Variants in SLC35A5 observed in about 807,000 individuals in gnomAD.
SLC35A5 encodes solute carrier family 35 member A5.
A neutral mutation model predicts 36.3 loss-of-function variants in SLC35A5; 28 were observed. That is an observed-to-expected ratio of 0.77 (90% CI 0.57 to 1.06). SLC35A5 has a LOEUF of 1.06. Ranked by LOEUF, SLC35A5 falls within the 50% of genes least tolerant of loss-of-function variation. The pLI is 0.00. For missense variants in SLC35A5, 521 were observed against 499.3 expected, an observed-to-expected ratio of 1.04 and a Z score of -0.41; for synonymous variants, 180 against 173.7, an observed-to-expected ratio of 1.04 and a Z score of -0.29.
chr3:112,580,459 C>T, intron 5 of SLC35A5, 87 bp from the exon 6 acceptor site: 1 of 1,416,194 alleles, frequency 7.1e-7, no homozygotes, highest in Non-Finnish European at 9.4e-7. Flanking sequence ...TTTATTCAAC[C>T]AAATACTCAA....
At position 112,582,803 on chromosome 3, in the gene SLC35A5, A is replaced by T. The variant is rs1576765287; in HGVS notation, c.*67A>T. 1 of 1,294,584 alleles carries T rather than the reference A, an allele frequency of 7.7e-7. No individual in the cohort carries two copies. Among genetic ancestry groups the T allele is most frequent in the Non-Finnish European group, 1.1e-6 (1 of 902,152 alleles). The allele number at this position is 1,294,584 out of a possible 1,614,324, so 80.2% of individuals were successfully genotyped here. On this transcript the variant is annotated 3_prime_UTR_variant, in exon 7 of 7. Transcript: ENST00000492406. ...CACATTTTCAGTGTTTGTAATATTT[A>T]TCTTTTCACTTTGATAAACCAGAAA... is the stretch of plus-strand genomic sequence containing the variant.
chr3:112,562,577 C>T (rs957263930), intron 1 of SLC35A5, among the ~76,000 whole-genome samples: 10 of 152,322 alleles, frequency 6.6e-5, no homozygotes, highest in Admixed American at 1.3e-4. Flanking sequence ...GCCTTAGATT[C>T]ATTGATTTCT....
chr3:112,575,202 C>A (rs1038009368), intron 5 of SLC35A5, among the ~76,000 whole-genome samples: 5 of 152,150 alleles, frequency 3.3e-5, no homozygotes, highest in Non-Finnish European at 5.9e-5. Context: ...ATAAAAGGAT[C>A]ACGATTTAAT....
chr3:112,563,199 G>T (rs1239658240), intron 1 of SLC35A5, among the ~76,000 whole-genome samples, 186 bp from the exon 2 acceptor site: 1 of 152,196 alleles, frequency 6.6e-6, no homozygotes, highest in East Asian at 1.9e-4. Flanking sequence ...TCTGTCTCCA[G>T]AGTACTCCCT....
chr3:112,571,928 T>G lies in SLC35A5; in HGVS notation c.360+1258T>G, dbSNP rs77940120. Among the ~76,000 whole-genome samples, 13 of 6,216 alleles carry G rather than the reference T, an allele frequency of 2.1e-3. No homozygotes were observed. In the East Asian group the frequency reaches 0.12, roughly 59 times the overall value. The allele number at this position is 6,216 out of a possible 152,430, so 4.1% of individuals were successfully genotyped here. On this transcript the variant is annotated intron_variant, in intron 4 of 6. Coordinates refer to ENST00000492406, the MANE Select transcript of SLC35A5 (RefSeq NM_017945.5). ...CAGGTGTTTGACTTTCCACAGTTTT[T>G]TTTTTTTTTTTTTTTTTTTTTTTTT... is the stretch of plus-strand genomic sequence containing the variant.
intron 2 of SLC35A5, among the ~76,000 whole-genome samples, chr3:112,564,630 A>G (rs994508311): frequency 6.6e-6 from 1 of 152,072 alleles, no homozygotes; most frequent in Non-Finnish European, 1.5e-5. Context: ...GACCCTTTAC[A>G]GGTGTCGGGC....
At chr3:112,568,704 A>G (rs189124118) in intron 2 of SLC35A5, among the ~76,000 whole-genome samples, 1 of 152,348 alleles carries the variant, frequency 6.6e-6, no homozygotes, top group Admixed American at 6.5e-5. Context: ...TATAAAACAG[A>G]TTGGAAAACT....
chr3:112,569,347 C>T, intron 3 of SLC35A5, 78 bp downstream of exon 3: 3 of 1,103,458 alleles, frequency 2.7e-6, no homozygotes, highest in South Asian at 1.3e-5. Flanking sequence ...CATTTTGTAT[C>T]ATTTAGCTTA....
rs1226756651 is a variant in SLC35A5 at position 112,582,683 on chromosome 3, C to T, written c.1222C>T (p.Leu408=). 2.5e-6 allele frequency: 4 copies of T among 1,612,118 alleles called. No homozygotes were observed. The highest frequency in any genetic ancestry group is 3.4e-6 in the Non-Finnish European group (4 of 1,178,774). ...WERSSGDGEE[L]ERLTKPKSDE... ...TGTTTCCTTTTAGGATGGAGAAGAACTAGAAAGACTTACCAAACCCAAGAG... is the reference window on the plus strand; with the variant it reads ...TGTTTCCTTTTAGGATGGAGAAGAATTAGAAAGACTTACCAAACCCAAGAG... Residue 408 remains leucine (L), a synonymous_variant, in exon 7 of 7, where the codon CTA becomes TTA. Transcript: ENST00000492406.
intron 1 of SLC35A5, 150 bp from the exon 2 acceptor site, chr3:112,563,235 G>C (rs914293494): frequency 6.2e-6 from 3 of 486,930 alleles, no homozygotes; most frequent in South Asian, 6.1e-5. Flanking sequence ...CTTTCCTTTT[G>C]TCATAGTTTC....
At position 112,569,268 on chromosome 3, in the gene SLC35A5, AG is replaced by A; in HGVS notation, c.229+1del. On this transcript the variant is annotated frameshift_variant and splice_region_variant, in exon 3 of 7. Coordinates refer to ENST00000492406, the MANE Select transcript of SLC35A5 (RefSeq NM_017945.5). LOFTEE classifies it high-confidence loss of function. ...VLVSFCVIKKDHQSRNLKYAS... is the reference protein window; with the variant it reads ...VLVSFCVIKKXHQSRNLKYAS... ...TTGTGTCATTCTGTGTTATAAAGAA[AG>A]GTAAGTCTTGAAATGGTACTATATA... The A allele has an allele frequency of 6.2e-7, 1 of 1,613,240 alleles. No homozygotes were observed. Among genetic ancestry groups the A allele is most frequent in the Non-Finnish European group, 8.5e-7 (1 of 1,179,354 alleles).
At chr3:112,578,947 A>C (rs557334126) in intron 5 of SLC35A5, among the ~76,000 whole-genome samples, 1 of 152,234 alleles carries the variant, frequency 6.6e-6, no homozygotes, top group Admixed American at 6.5e-5. Flanking sequence ...TCAGAAATTT[A>C]AGTGGTTAGT....
Position 112,569,214 on chromosome 3 carries a change from A to C in SLC35A5, c.174A>C (p.Ser58=). ...DYLPTTVNVC[S]ELVKLVFCVL... Reference sequence around the variant, plus strand: ...TTCCAACTACTGTGAATGTGTGCTCAGAACTGGTGAAGCTAGTTTTCTGTG... The same window carrying C: ...TTCCAACTACTGTGAATGTGTGCTCCGAACTGGTGAAGCTAGTTTTCTGTG... The change falls in exon 3 of 7, where the codon TCA becomes TCC. Residue 58 remains serine (S), a synonymous_variant. Coordinates refer to ENST00000492406, the MANE Select transcript of SLC35A5 (RefSeq NM_017945.5). 1.9e-6 allele frequency: 3 copies of C among 1,614,020 alleles called. No individual in the cohort carries two copies. Among genetic ancestry groups the C allele is most frequent in the Non-Finnish European group, 2.5e-6 (3 of 1,179,944 alleles).
chr3:112,574,039 C>T (rs955862110), intron 5 of SLC35A5, 83 bp downstream of exon 5: 81 of 1,203,884 alleles, frequency 6.7e-5, no homozygotes, highest in South Asian at 1.5e-4. Context: ...AACACTGAGC[C>T]GTCAGAATCC....
upstream of SLC35A5, chr3:112,561,851 G>A: frequency 2.8e-6 from 1 of 358,450 alleles, no homozygotes; most frequent in Non-Finnish European, 5.1e-6. Flanking sequence ...CGCACCCCTC[G>A]CCCTCTGCGA....
At chr3:112,563,095 T>A (rs186087573) in intron 1 of SLC35A5, among the ~76,000 whole-genome samples, 1 of 152,210 alleles carries the variant, frequency 6.6e-6, no homozygotes, top group African/African-American at 2.4e-5. Context: ...AAAATAAAAT[T>A]CAAAATTGCT....
In SLC35A5 at chr3:112,580,895, C is replaced by T. The variant is rs772439049; in HGVS notation, c.778C>T (p.Leu260Phe). 2.5e-6 allele frequency: 4 copies of T among 1,614,166 alleles called. No individual in the cohort carries two copies. In the South Asian group the frequency reaches 4.4e-5, roughly 18 times the overall value. Reference sequence around the variant, plus strand: ...AAAGATACTGAAGGAAGGGAACCAGCTCACTGAAAGCATCTTCATACAGAA... The same window carrying T: ...AAAGATACTGAAGGAAGGGAACCAGTTCACTGAAAGCATCTTCATACAGAA... ...NEKILKEGNQ[L>F]TESIFIQNSK... Residue 260 changes from leucine (L) to phenylalanine (F), a missense_variant, in exon 6 of 7, where the codon CTC (leucine) becomes TTC (phenylalanine). Leu to Phe is a conservative substitution (Grantham distance 22). Coordinates refer to ENST00000492406, the MANE Select transcript of SLC35A5 (RefSeq NM_017945.5).
chr3:112,565,297 G>T (rs1283955672), intron 2 of SLC35A5, among the ~76,000 whole-genome samples: 3 of 152,160 alleles, frequency 2.0e-5, no homozygotes, highest in Admixed American at 2.0e-4. Flanking sequence ...ATTCTGTTTG[G>T]TAGGGGATGA....
intron 2 of SLC35A5, among the ~76,000 whole-genome samples, chr3:112,568,702 A>G (rs1468957148): frequency 6.6e-6 from 1 of 152,238 alleles, no homozygotes; most frequent in Non-Finnish European, 1.5e-5. Flanking sequence ...GATATAAAAC[A>G]GATTGGAAAA....
Sources: allele counts gnomAD v4.1 joint callset (sites outside exome capture counted in the v4.1 genomes callset), GRCh38; gene constraint gnomAD v4.1.1; transcripts MANE v1.5; gene names NCBI Gene and HGNC (gene_info 2026-07-23, HGNC 2026-07-21).